The following CLIC2 variants were observed in gnomAD, a reference collection of about 807,000 sequenced individuals.
The protein encoded by CLIC2 is CLIC family member 2.
Under a neutral mutation model 14.8 loss-of-function variants are expected in CLIC2, and 9 were observed. The observed-to-expected ratio is 0.61, with a 90% CI of 0.37 to 1.06. The LOEUF (loss-of-function observed/expected upper bound fraction) is 1.06. Among genes scored for constraint, CLIC2 ranks in the 50% least tolerant of loss-of-function variants. CLIC2 has a pLI of 0.01. For synonymous variants in CLIC2, 61 were observed against 66.3 expected (o/e 0.92, Z 0.39); for missense variants, 148 against 181.4 (o/e 0.82, Z 1.06).
intron 3 of CLIC2, chrX:155,292,323 A>C (rs782769): frequency 3.5e-6 from 2 of 564,699 alleles, no homozygotes; most frequent in Non-Finnish European, 6.5e-6. Context: ...GGTTTAACTG[A>C]GCAGTGATGA....
intron 1 of CLIC2, among the ~76,000 whole-genome samples, chrX:155,327,386 T>C (rs897585659): frequency 7.2e-5 from 8 of 111,575 alleles, no homozygotes; most frequent in Non-Finnish European, 1.3e-4. Flanking sequence ...AAATAAAGCA[T>C]AAGAGGCTAT....
chrX:155,292,024 C>A (rs1484132863), intron 3 of CLIC2: 3 of 527,459 alleles, frequency 5.7e-6, no homozygotes, highest in Non-Finnish European at 1.1e-5. Context: ...ATGACCGGAC[C>A]CAGGCATCCA....
chrX:155,316,185 C>T (rs1028968695), intron 1 of CLIC2, among the ~76,000 whole-genome samples: 4 of 111,586 alleles, frequency 3.6e-5, no homozygotes, highest in African/African-American at 1.3e-4. Context: ...TAAGACTCTA[C>T]TGACAGCACT....
intron 1 of CLIC2, among the ~76,000 whole-genome samples, chrX:155,307,086 C>A (rs782216829): frequency 1.8e-5 from 2 of 111,184 alleles, no homozygotes; most frequent in East Asian, 5.6e-4. Context: ...GTAACATATA[C>A]CAGACATATA....
At chrX:155,290,336 T>A in intron 3 of CLIC2, 2 of 362,402 alleles carry the variant, frequency 5.5e-6, no homozygotes, top group Non-Finnish European at 1.0e-5. Context: ...CTAGTATTGC[T>A]ATGTTTAATG....
chrX:155,315,227 T>A (rs1557320975), intron 1 of CLIC2, among the ~76,000 whole-genome samples: 1 of 112,106 alleles, frequency 8.9e-6, no homozygotes, highest in Non-Finnish European at 1.9e-5. Flanking sequence ...CCTTTAGATA[T>A]CTAGGCATCC....
intron 1 of CLIC2, among the ~76,000 whole-genome samples, chrX:155,326,719 C>T (rs2075139590): frequency 9.0e-6 from 1 of 111,342 alleles, no homozygotes; most frequent in Non-Finnish European, 1.9e-5. Context: ...CAAACTGTGG[C>T]ATATCAGTAT....
At chrX:155,286,288 T>A (rs926157018) in intron 3 of CLIC2, among the ~76,000 whole-genome samples, 1 of 112,307 alleles carries the variant, frequency 8.9e-6, no homozygotes, top group Admixed American at 9.4e-5. Flanking sequence ...GCTCCATCCA[T>A]GTTCCTGCAA....
intron 1 of CLIC2, among the ~76,000 whole-genome samples, chrX:155,312,396 T>A (rs1557320683): frequency 8.9e-6 from 1 of 112,188 alleles, no homozygotes; most frequent in East Asian, 2.8e-4. Context: ...TAGCCAATTA[T>A]CCCAGCACCA....
At chrX:155,290,029 A>C (rs2074957960) in intron 3 of CLIC2, among the ~76,000 whole-genome samples, 1 of 111,996 alleles carries the variant, frequency 8.9e-6, no homozygotes, top group Admixed American at 9.5e-5. Context: ...GAAAGTAGTA[A>C]GTTTATCCTT....
At chrX:155,294,108 C>G (rs782739801) in intron 3 of CLIC2, among the ~76,000 whole-genome samples, 5 of 112,069 alleles carry the variant, frequency 4.5e-5, no homozygotes, top group African/African-American at 1.6e-4. Context: ...ACAGAATATA[C>G]ATTCATCAGC....
At chrX:155,330,002 T>A (rs782524364) in intron 1 of CLIC2, among the ~76,000 whole-genome samples, 2 of 110,836 alleles carry the variant, frequency 1.8e-5, no homozygotes, top group South Asian at 7.6e-4. Flanking sequence ...TTTGAACTCA[T>A]AGAGAGAGTA....
Position 155,325,766 on chromosome X carries a change from ATATAT to A in CLIC2, c.57+8600_57+8604del, listed in dbSNP as rs1182311308. 6.4e-4 allele frequency among the ~76,000 whole-genome samples: 11 copies of A among 17,249 alleles called. 1 individual carries two copies. Among genetic ancestry groups the A allele is most frequent in the African/African-American group, 4.6e-3 (11 of 2,401 alleles). The allele number at this position is 17,249 out of a possible 115,157, so 15.0% of individuals were successfully genotyped here. On this transcript the variant is annotated intron_variant, in intron 1 of 5. Coordinates refer to ENST00000369449, the MANE Select transcript of CLIC2 (RefSeq NM_001289.6). ...TATAATAAAAAAGAAAATGTGATAT[ATATAT>A]ATATATATATATATATATATATATA...
chrX:155,317,643 A>G (rs782622238), intron 1 of CLIC2, among the ~76,000 whole-genome samples: 1 of 111,996 alleles, frequency 8.9e-6, no homozygotes, highest in Non-Finnish European at 1.9e-5. Flanking sequence ...TCAAAGAAGA[A>G]TTGGTACCAA....
rs1343512759 is a variant in CLIC2, at chrX:155,277,609, T to C, written c.*294A>G. 8 of 272,076 alleles carry C rather than the reference T, an allele frequency of 2.9e-5. No homozygotes were observed. The East Asian group carries it at 4.9e-4, about 17-fold the overall frequency. 22.4% of individuals were successfully genotyped at this position (272,076 alleles called of 1,213,427 possible). Reference sequence around the variant, plus strand: ...TAACTGCAGACATCTGTTTAGCTTATATGTATGCATTCCAGGAATTCAAGC... The same window carrying C: ...TAACTGCAGACATCTGTTTAGCTTACATGTATGCATTCCAGGAATTCAAGC... On this transcript the variant is annotated 3_prime_UTR_variant, in exon 6 of 6. Coordinates refer to ENST00000369449, the MANE Select transcript of CLIC2 (RefSeq NM_001289.6).
chrX:155,305,736 A>G (rs781805705), intron 1 of CLIC2, among the ~76,000 whole-genome samples: 1 of 112,240 alleles, frequency 8.9e-6, no homozygotes, highest in South Asian at 3.7e-4. Context: ...TGGAAAAATT[A>G]TTTGTATTTT....
intron 3 of CLIC2, among the ~76,000 whole-genome samples, chrX:155,283,999 G>A (rs1199850772): frequency 1.8e-5 from 2 of 111,322 alleles, no homozygotes; most frequent in Non-Finnish European, 3.8e-5. Context: ...GTTTTTGAGG[G>A]TTGGTTCTGT....
intron 3 of CLIC2, among the ~76,000 whole-genome samples, chrX:155,296,483 C>T (rs1557318360): frequency 9.0e-6 from 1 of 111,654 alleles, no homozygotes; most frequent in Non-Finnish European, 1.9e-5. Flanking sequence ...GTCAAAAGCA[C>T]AGGCAATAGA....
chrX:155,325,114 G>A (rs1446897460), intron 1 of CLIC2, among the ~76,000 whole-genome samples: 1 of 112,084 alleles, frequency 8.9e-6, no homozygotes, highest in Admixed American at 9.5e-5. Context: ...AACAACAGAT[G>A]CTGGAGAGGA....
Sources: gnomAD v4.1 joint callset for allele counts (sites outside exome capture counted in the v4.1 genomes callset) on GRCh38, gnomAD v4.1.1 for gene constraint, MANE v1.5 for transcripts, NCBI Gene and HGNC (gene_info 2026-07-23, HGNC 2026-07-21) for gene names.